GPR137: variants seen among roughly 807,000 people sequenced by gnomAD.
GPR137 encodes the protein integral membrane protein GPR137.
GPR137 carries 20 observed loss-of-function variants against 38.9 expected under a neutral mutation model. The ratio of observed to expected loss-of-function variants is 0.51; its 90% CI spans 0.36 to 0.75. GPR137 has a LOEUF of 0.75. GPR137 is among the 30% of genes least tolerant of loss of function. The pLI, the probability that GPR137 is intolerant of heterozygous loss-of-function variation, is 0.00. For missense variants in GPR137, 456 were observed against 526.4 expected (o/e 0.87, Z 1.31); for synonymous variants, 226 against 235.8 (o/e 0.96, Z 0.38).
At chr11:64,274,897 A>G (rs961213640), upstream of GPR137, among the ~76,000 whole-genome samples, 1 of 150,912 alleles carries the variant, frequency 6.6e-6, no homozygotes, top group African/African-American at 2.4e-5. Flanking sequence ...AGGCACAAGA[A>G]TCACTTGAAC....
At chr11:64,282,733 G>A (rs2033560133), upstream of GPR137, among the ~76,000 whole-genome samples, 1 of 151,074 alleles carries the variant, frequency 6.6e-6, no homozygotes, top group Non-Finnish European at 1.5e-5. Context: ...CAAGAAATTA[G>A]CCCGGCATGG....
Position 64,286,380 on chromosome 11 carries a change from G to A in GPR137, c.-145G>A, listed in dbSNP as rs2034057478. ...AAGGGTCTCTCTGTTGAGGAGGAGG[G>A]GCCTGTCAGCCACAACTTCTTTCCT... On this transcript the variant is annotated 5_prime_UTR_variant, in exon 1 of 7. Transcript: ENST00000438980. 3.5e-6 allele frequency: 5 copies of A among 1,427,192 alleles called. No homozygotes were observed. The highest frequency in any genetic ancestry group is 2.7e-6 in the Non-Finnish European group (3 of 1,094,936). The allele number at this position is 1,427,192 out of a possible 1,614,324, so 88.4% of individuals were successfully genotyped here. A position where few individuals can be genotyped will look rare whatever the true frequency, so the allele number is the denominator to read the frequency against.
At chr11:64,280,375 G>A (rs540065124), upstream of GPR137, among the ~76,000 whole-genome samples, 27 of 138,948 alleles carry the variant, frequency 1.9e-4, no homozygotes, top group Admixed American at 1.4e-3. Context: ...TTTTTGAGAC[G>A]GAGTCTTGCT....
Position 64,286,793 on chromosome 11 carries a change from T to G in GPR137, c.269T>G (p.Leu90Arg). ...CGAGATACTCCCCGCGCCAACCGCC[T>G]GGGGCCCTTGCCCTTCTGGCTTCTC... ...YFRDTPRANRLGPLPFWLLYC... is the reference protein window; with the variant it reads ...YFRDTPRANRRGPLPFWLLYC... Residue 90 changes from leucine to arginine, a missense_variant, in exon 1 of 7, where the codon CTG becomes CGG. Transcript: ENST00000438980. 7 of 1,607,320 alleles carry G rather than the reference T, an allele frequency of 4.4e-6. No individual in the cohort carries two copies. The highest frequency in any genetic ancestry group is 6.0e-6 in the Non-Finnish European group (7 of 1,175,770).
upstream of GPR137, among the ~76,000 whole-genome samples, chr11:64,281,494 A>C (rs1345058875): frequency 6.6e-6 from 1 of 152,186 alleles, no homozygotes; most frequent in Non-Finnish European, 1.5e-5. Flanking sequence ...GAGTCCTTAG[A>C]ATGACCTTCA....
At position 64,288,329 on chromosome 11, in the gene GPR137, C is replaced by G; in HGVS notation, c.784-11C>G. 6.2e-7 allele frequency: 1 copy of G among 1,613,652 alleles called. No individual in the cohort carries two copies. The highest frequency in any genetic ancestry group is 8.5e-7 in the Non-Finnish European group (1 of 1,179,982). On this transcript the variant is annotated splice_polypyrimidine_tract_variant and intron_variant, in intron 4 of 6. Coordinates refer to ENST00000438980, the MANE Select transcript of GPR137 (RefSeq NM_001170880.2). This position sits in a 1 kb window ranked among gnomAD's most constrained non-coding sequence, Gnocchi z 5.5. Reference sequence around the variant, plus strand: ...GACTGCAGACTGGCACCAGCCCCTGCCTTCCCACAGGCGGACCTGGTGAAT... The same window carrying G: ...GACTGCAGACTGGCACCAGCCCCTGGCTTCCCACAGGCGGACCTGGTGAAT...
rs539709122 is a variant in GPR137 at position 64,287,129 on chromosome 11, G to A, written c.407+115G>A. 1.0e-4 allele frequency: 151 copies of A among 1,495,822 alleles called. 2 individuals carry two copies. The South Asian group carries it at 1.8e-3, about 17-fold the overall frequency. The allele number at this position is 1,495,822 out of a possible 1,614,324, so 92.7% of individuals were successfully genotyped here. A position where few individuals can be genotyped will look rare whatever the true frequency, so the allele number is the denominator to read the frequency against. ...GACAAAGGCAACCCAGGGAATGTCT[G>A]TGGAAGATCTTGGAAAAGTTAAAGC... On this transcript the variant is annotated intron_variant, in intron 2 of 6. Transcript: ENST00000438980.
intron 1 of GPR137, among the ~76,000 whole-genome samples, chr11:64,276,187 G>C (rs889822198): frequency 1.3e-5 from 2 of 152,038 alleles, no homozygotes; most frequent in Non-Finnish European, 2.9e-5. Context: ...CACCAAATTC[G>C]TGGACTTAGC....
Position 64,288,525 on chromosome 11 carries a change from C to G in GPR137, c.912+57C>G. ...GTGGAGGGGGCGGATGTTGCAAATCCTGGGTTGGAGTCTGGGGTTGGGCCT... is the reference window on the plus strand; with the variant it reads ...GTGGAGGGGGCGGATGTTGCAAATCGTGGGTTGGAGTCTGGGGTTGGGCCT... On this transcript the variant is annotated intron_variant, in intron 5 of 6. Coordinates refer to ENST00000438980, the MANE Select transcript of GPR137 (RefSeq NM_001170880.2). This position sits in a 1 kb window ranked among gnomAD's most constrained non-coding sequence, Gnocchi z 5.5. The G allele has an allele frequency of 1.2e-6, 2 of 1,613,264 alleles. No homozygotes were observed. Among genetic ancestry groups the G allele is most frequent in the Non-Finnish European group, 8.5e-7 (1 of 1,179,814 alleles).
upstream of GPR137, chr11:64,284,859 C>T (rs1591188580): frequency 6.7e-7 from 1 of 1,494,392 alleles, no homozygotes; most frequent in Admixed American, 2.2e-5. Context: ...CCTTCGGCCC[C>T]GGGGCTCACA....
Position 64,287,034 on chromosome 11 carries a change from G to A in GPR137, c.407+20G>A. On this transcript the variant is annotated intron_variant, in intron 2 of 6. Coordinates refer to ENST00000438980, the MANE Select transcript of GPR137 (RefSeq NM_001170880.2). The stretch of plus-strand genomic sequence containing the variant: ...AGGCTTGTAAGTACTCGGGACACTG[G>A]TGGGCTCAGCCTCCAGGTCAGGGGC... 6.2e-7 allele frequency: 1 copy of A among 1,611,414 alleles called. No homozygotes were observed.
At chr11:64,284,202 G>T (rs763555901), upstream of GPR137, 6 of 1,601,550 alleles carry the variant, frequency 3.7e-6, no homozygotes, top group Admixed American at 1.7e-5. Flanking sequence ...GCTGCTGCTG[G>T]TTGGCTGCTC....
chr11:64,287,321 T>C, intron 2 of GPR137: 2 of 984,744 alleles, frequency 2.0e-6, no homozygotes, highest in Non-Finnish European at 2.4e-6. Context: ...CTGGGTGACC[T>C]GGGGCCGCAA....
intron 1 of GPR137, among the ~76,000 whole-genome samples, chr11:64,276,131 T>C (rs963897357): frequency 6.6e-6 from 1 of 152,176 alleles, no homozygotes; most frequent in African/African-American, 2.4e-5. Flanking sequence ...GGCCTTCTGC[T>C]AGCACCAGTT....
At chr11:64,272,315 A>G (rs930766315), upstream of GPR137, among the ~76,000 whole-genome samples, 24 of 147,560 alleles carry the variant, frequency 1.6e-4, no homozygotes, top group Non-Finnish European at 3.5e-4. Context: ...TTTTTTTCTC[A>G]AAAGAAAAAA....
chr11:64,288,518 G>A lies in GPR137; in HGVS notation c.912+50G>A, dbSNP rs750945910. 6.2e-6 allele frequency: 10 copies of A among 1,613,052 alleles called. No homozygotes were observed. Among genetic ancestry groups the A allele is most frequent in the Non-Finnish European group, 8.5e-6 (10 of 1,179,822 alleles). ...GGGGCCAGTGGAGGGGGCGGATGTT[G>A]CAAATCCTGGGTTGGAGTCTGGGGT... On this transcript the variant is annotated intron_variant, in intron 5 of 6. Coordinates refer to ENST00000438980, the MANE Select transcript of GPR137 (RefSeq NM_001170880.2). This position sits in a 1 kb window ranked among gnomAD's most constrained non-coding sequence, Gnocchi z 5.5.
upstream of GPR137, among the ~76,000 whole-genome samples, chr11:64,270,898 GAGACACACAC>G (rs1412320330): frequency 9.2e-5 from 8 of 86,844 alleles, no homozygotes; most frequent in Non-Finnish European, 1.4e-4. Flanking sequence ...CATGCCCTGT[GAGACACACAC>G]ACACACACAC....
chr11:64,288,927 C>G lies in GPR137; in HGVS notation c.1032-110C>G. 1.4e-6 allele frequency: 2 copies of G among 1,443,226 alleles called. No individual in the cohort carries two copies. The highest frequency in any genetic ancestry group is 1.8e-6 in the Non-Finnish European group (2 of 1,103,522). The allele number at this position is 1,443,226 out of a possible 1,614,324, so 89.4% of individuals were successfully genotyped here. A position where few individuals can be genotyped will look rare whatever the true frequency, so the allele number is the denominator to read the frequency against. On this transcript the variant is annotated intron_variant, in intron 6 of 6. Coordinates refer to ENST00000438980, the MANE Select transcript of GPR137 (RefSeq NM_001170880.2). This position sits in a 1 kb window ranked among gnomAD's most constrained non-coding sequence, Gnocchi z 5.5. Reference sequence around the variant, plus strand: ...CTAGAGATGTACTTTGTCCTGGGCCCCGAAGGTCTAGGTCACAGGGGTTCT... The same window carrying G: ...CTAGAGATGTACTTTGTCCTGGGCCGCGAAGGTCTAGGTCACAGGGGTTCT...
chr11:64,274,276 A>G (rs557981024), upstream of GPR137, among the ~76,000 whole-genome samples: 65 of 152,094 alleles, frequency 4.3e-4, no homozygotes, highest in African/African-American at 1.5e-3. Context: ...AGTTCCAGCT[A>G]CTCGGGAGGG....
Sources: allele counts gnomAD v4.1 joint callset (sites outside exome capture counted in the v4.1 genomes callset), GRCh38; gene constraint gnomAD v4.1.1; non-coding constraint Gnocchi (gnomAD v3.1); transcripts MANE v1.5; gene names NCBI Gene and HGNC (gene_info 2026-07-23, HGNC 2026-07-21).